Variants in DPYSL2 observed in about 807,000 individuals in gnomAD.
DPYSL2 encodes dihydropyrimidinase-related protein 2.
DPYSL2 carries 13 observed loss-of-function variants against 69.9 expected under a neutral mutation model. The observed-to-expected ratio is 0.19, with a 90% CI of 0.12 to 0.30. The LOEUF is 0.30. Among genes scored for constraint, DPYSL2 ranks in the 10% least tolerant of loss-of-function variants. The pLI is 1.00. For synonymous variants in DPYSL2, 326 were observed against 359.1 expected (o/e 0.91, Z 1.04); for missense variants, 587 against 918.9 (o/e 0.64, Z 4.67).
At chr8:26,579,173 A>G (rs1039012069) in intron 1 of DPYSL2, among the ~76,000 whole-genome samples, 3 of 152,266 alleles carry the variant, frequency 2.0e-5, no homozygotes, top group Admixed American at 1.3e-4. Context: ...CCCCGGCCAG[A>G]CAATGATCGC....
intron 1 of DPYSL2, among the ~76,000 whole-genome samples, chr8:26,525,492 GATTAC>G (rs1808461759): frequency 6.6e-6 from 1 of 152,128 alleles, no homozygotes; most frequent in Non-Finnish European, 1.5e-5. Context: ...AAAGTACTGG[GATTAC>G]AGGCATTAGT....
At position 26,647,590 on chromosome 8, in the gene DPYSL2, G is replaced by T. The variant is rs756736577; in HGVS notation, c.1426-40G>T. On this transcript the variant is annotated intron_variant, in intron 10 of 13. Coordinates refer to ENST00000521913, the MANE Select transcript of DPYSL2 (RefSeq NM_001197293.3). This position sits in a 1 kb window ranked among gnomAD's most constrained non-coding sequence, Gnocchi z 5.1. ...AAAAGTAACTTTTTAACTCGTTTCT[G>T]CTGTGTGCCTCCTGTGCACACCTAT... The T allele has an allele frequency of 6.4e-7, 1 of 1,556,926 alleles. No individual in the cohort carries two copies.
intron 1 of DPYSL2, among the ~76,000 whole-genome samples, chr8:26,534,475 C>T (rs1800559796): frequency 6.6e-6 from 1 of 151,816 alleles, no homozygotes; most frequent in Admixed American, 6.6e-5. Context: ...TTACTTCTTA[C>T]AGGATTTCCA....
chr8:26,522,278 A>G (rs1032176735), intron 1 of DPYSL2, among the ~76,000 whole-genome samples: 1 of 151,904 alleles, frequency 6.6e-6, no homozygotes, highest in Non-Finnish European at 1.5e-5. Flanking sequence ...ACTGCACTCC[A>G]GCCTGGGCAA....
chr8:26,575,471 C>A (rs902062211), intron 1 of DPYSL2, among the ~76,000 whole-genome samples: 14 of 152,030 alleles, frequency 9.2e-5, no homozygotes, highest in Non-Finnish European at 7.4e-5. Flanking sequence ...GCAGACAGTT[C>A]TCTTCCTCGG....
At position 26,650,152 on chromosome 8, in the gene DPYSL2, A is replaced by G. The variant is rs868470234; in HGVS notation, c.1597-2105A>G. On this transcript the variant is annotated intron_variant, in intron 11 of 13. Transcript: ENST00000521913. This position sits in a 1 kb window ranked among gnomAD's most constrained non-coding sequence, Gnocchi z 5.3. ...TAGATGCTTTTGTTCATTTTATTTC[A>G]TTTGATTCTCACATGAGTCCTGCAA... is the stretch of plus-strand genomic sequence containing the variant. 5.3e-5 allele frequency among the ~76,000 whole-genome samples: 8 copies of G among 152,156 alleles called. No individual in the cohort carries two copies. Among genetic ancestry groups the G allele is most frequent in the Admixed American group, 5.2e-4 (8 of 15,280 alleles).
rs1233663708 is a variant in DPYSL2, at chr8:26,640,316, G to A, written c.1127-3123G>A. On this transcript the variant is annotated intron_variant, in intron 8 of 13. Coordinates refer to ENST00000521913, the MANE Select transcript of DPYSL2 (RefSeq NM_001197293.3). This position sits in a 1 kb window ranked among gnomAD's most constrained non-coding sequence, Gnocchi z 4.2. The stretch of plus-strand genomic sequence containing the variant: ...TAGAGAGCCTGCCAGAGGCTGGCTT[G>A]GTCACATCCTTCAGTTTAGACTTTA... 2.0e-5 allele frequency among the ~76,000 whole-genome samples: 3 copies of A among 152,158 alleles called. No individual in the cohort carries two copies. The highest frequency in any genetic ancestry group is 1.3e-4 in the Admixed American group (2 of 15,286).
At chr8:26,583,587 T>G (rs1801534772) in intron 2 of DPYSL2, among the ~76,000 whole-genome samples, 1 of 152,180 alleles carries the variant, frequency 6.6e-6, no homozygotes, top group Non-Finnish European at 1.5e-5. Context: ...GGGCCTCTGG[T>G]GCCTTATTTA....
chr8:26,578,001 C>G (rs1338869954), intron 1 of DPYSL2: 3 of 1,354,104 alleles, frequency 2.2e-6, no homozygotes, highest in Admixed American at 3.3e-5. Flanking sequence ...CCTTCTCTCT[C>G]TCTCTCTCTC....
At chr8:26,628,154 C>T (rs767013790) in intron 7 of DPYSL2, among the ~76,000 whole-genome samples, 5 of 152,206 alleles carry the variant, frequency 3.3e-5, no homozygotes, top group African/African-American at 4.8e-5. Context: ...TGGACTGTTT[C>T]GCCAGAAGAT....
rs988461402 is a variant in DPYSL2, at chr8:26,644,237, G to T, written c.1425+146G>T. 2.1e-6 allele frequency: 2 copies of T among 968,666 alleles called. No homozygotes were observed. Among genetic ancestry groups the T allele is most frequent in the Middle Eastern group, 2.6e-4 (1 of 3,834 alleles). The allele number at this position is 968,666 out of a possible 1,614,324, so 60.0% of individuals were successfully genotyped here. A position where few individuals can be genotyped will look rare whatever the true frequency, so the allele number is the denominator to read the frequency against. ...GTACTTATATGACAATATTTCTGAG[G>T]GTTGGAAATCTAAGACCTCTTCTAA... is the stretch of plus-strand genomic sequence containing the variant. On this transcript the variant is annotated intron_variant, in intron 10 of 13. Coordinates refer to ENST00000521913, the MANE Select transcript of DPYSL2 (RefSeq NM_001197293.3). This position sits in a 1 kb window ranked among gnomAD's most constrained non-coding sequence, Gnocchi z 4.5.
At chr8:26,590,182 G>A (rs1037442961) in intron 3 of DPYSL2, among the ~76,000 whole-genome samples, 1 of 152,178 alleles carries the variant, frequency 6.6e-6, no homozygotes, top group African/African-American at 2.4e-5. Flanking sequence ...AAAAACGCCC[G>A]ACCACATCAG....
rs940151338 is a variant in DPYSL2 at position 26,593,607 on chromosome 8, G to A, written c.628+9624G>A. On this transcript the variant is annotated intron_variant, in intron 3 of 13. Coordinates refer to ENST00000521913, the MANE Select transcript of DPYSL2 (RefSeq NM_001197293.3). This position sits in a 1 kb window ranked among gnomAD's most constrained non-coding sequence, Gnocchi z 5.7. ...GCTGAGCTAATTGTCACCAGAAAGAGCCTCCTCCTTCAGTTGCTGTCCTTG... is the reference window on the plus strand; with the variant it reads ...GCTGAGCTAATTGTCACCAGAAAGAACCTCCTCCTTCAGTTGCTGTCCTTG... Among the ~76,000 whole-genome samples, 6 of 152,168 alleles carry A rather than the reference G, an allele frequency of 3.9e-5. No individual in the cohort carries two copies. The highest frequency in any genetic ancestry group is 3.9e-4 in the Admixed American group (6 of 15,282).
chr8:26,561,047 C>T (rs1016414625), intron 1 of DPYSL2, among the ~76,000 whole-genome samples: 8 of 152,044 alleles, frequency 5.3e-5, no homozygotes, highest in African/African-American at 1.7e-4. Context: ...CGTCAGCAGC[C>T]TTGAAAGAAG....
At chr8:26,522,291 G>A (rs1246311272) in intron 1 of DPYSL2, among the ~76,000 whole-genome samples, 1 of 148,604 alleles carries the variant, frequency 6.7e-6, no homozygotes, top group African/African-American at 2.4e-5. Flanking sequence ...CTGGGCAACC[G>A]AGTGAGACTC....
In DPYSL2 at chr8:26,657,522, G is replaced by C. The variant is rs895437922; in HGVS notation, c.*1816G>C. 3 of 152,448 alleles carry C rather than the reference G, an allele frequency of 2.0e-5. No individual in the cohort carries two copies. Among genetic ancestry groups the C allele is most frequent in the African/African-American group, 7.3e-5 (3 of 41,372 alleles). 9.4% of individuals were successfully genotyped at this position (152,448 alleles called of 1,614,324 possible). On this transcript the variant is annotated 3_prime_UTR_variant, in exon 14 of 14. Transcript: ENST00000521913. Reference sequence around the variant, plus strand: ...ATTTTGCCTTTGGGGATCTGGTTGGGGTTTTGGGTTTTTTGTTGTTGTTGT... The same window carrying C: ...ATTTTGCCTTTGGGGATCTGGTTGGCGTTTTGGGTTTTTTGTTGTTGTTGT...
chr8:26,544,509 G>A (rs1800734220), intron 1 of DPYSL2, among the ~76,000 whole-genome samples: 1 of 152,148 alleles, frequency 6.6e-6, no homozygotes, highest in Non-Finnish European at 1.5e-5. Context: ...TTTCATATAA[G>A]GACTTAAGTT....
intron 3 of DPYSL2, among the ~76,000 whole-genome samples, chr8:26,600,941 G>A (rs975150269): frequency 6.6e-6 from 1 of 152,184 alleles, no homozygotes; most frequent in Admixed American, 6.5e-5. Flanking sequence ...TCCATGCTGG[G>A]GAGGGAACTT....
At chr8:26,527,351 C>T (rs1808496493) in intron 1 of DPYSL2, among the ~76,000 whole-genome samples, 1 of 152,120 alleles carries the variant, frequency 6.6e-6, no homozygotes, top group African/African-American at 2.4e-5. Context: ...AAATAATTTC[C>T]TGAAAATTTT....
Sources: allele counts gnomAD v4.1 joint callset (sites outside exome capture counted in the v4.1 genomes callset), GRCh38; gene constraint gnomAD v4.1.1; non-coding constraint Gnocchi (gnomAD v3.1); transcripts MANE v1.5; gene names NCBI Gene and HGNC (gene_info 2026-07-23, HGNC 2026-07-21).